The following RBFOX1 variants were observed in gnomAD, a reference collection of about 807,000 sequenced individuals.
RBFOX1 encodes the protein RNA binding protein fox-1 homolog 1.
In RBFOX1, 8 loss-of-function variants were observed where a neutral mutation model predicts 57.7. The ratio of observed to expected loss-of-function variants is 0.14; its 90% CI spans 0.08 to 0.25. The LOEUF is 0.25. Ranked by LOEUF, RBFOX1 falls within the 10% of genes least tolerant of loss-of-function variation. RBFOX1 has a pLI of 1.00. For synonymous variants in RBFOX1, 326 were observed against 222.4 expected (o/e 1.47, Z -4.15); for missense variants, 611 against 548.5 (o/e 1.11, Z -1.14).
intron 14 of RBFOX1, among the ~76,000 whole-genome samples, chr16:7,703,088 G>C (rs929581630): frequency 4.0e-5 from 6 of 150,298 alleles, no homozygotes; most frequent in Non-Finnish European, 7.4e-5. Flanking sequence ...GCTCTCTAAA[G>C]AGCATGCTTT....
chr16:7,399,841 T>A (rs1290386941), intron 4 of RBFOX1, among the ~76,000 whole-genome samples: 1 of 152,192 alleles, frequency 6.6e-6, no homozygotes, highest in African/African-American at 2.4e-5. Context: ...GGGACAAAAT[T>A]CAATCTACTG....
chr16:7,207,939 G>C (rs2090332126), intron 4 of RBFOX1, among the ~76,000 whole-genome samples: 1 of 152,150 alleles, frequency 6.6e-6, no homozygotes. Context: ...CTCAATCTTA[G>C]TCCTGGGGAA....
chr16:5,656,154 A>T (rs989879786), intron 3 of RBFOX1, among the ~76,000 whole-genome samples: 2 of 152,120 alleles, frequency 1.3e-5, no homozygotes, highest in Non-Finnish European at 2.9e-5. Context: ...TGGATTCCAA[A>T]CCTTGTTTCT....
intron 3 of RBFOX1, among the ~76,000 whole-genome samples, chr16:6,921,025 G>A (rs192842465): frequency 1.3e-3 from 200 of 152,286 alleles, no homozygotes; most frequent in African/African-American, 4.3e-3. Context: ...AGTATCTCAA[G>A]TGGTTGTGGT....
chr16:7,311,839 G>A (rs1162590713), intron 4 of RBFOX1, among the ~76,000 whole-genome samples: 2 of 152,146 alleles, frequency 1.3e-5, no homozygotes, highest in Non-Finnish European at 2.9e-5. Flanking sequence ...TGTTTCTGAA[G>A]TTATATGTAG....
At chr16:7,007,033 G>T (rs903087875) in intron 3 of RBFOX1, among the ~76,000 whole-genome samples, 1 of 152,174 alleles carries the variant, frequency 6.6e-6, no homozygotes, top group Non-Finnish European at 1.5e-5. Context: ...CTATAGGTGA[G>T]AAATCTAGTT....
At position 5,584,588 on chromosome 16, in the gene RBFOX1, C is replaced by T. The variant is rs540390776; in HGVS notation, c.259-14314C>T. On this transcript the variant is annotated intron_variant, in intron 2 of 2. Transcript: ENST00000585867. ...TCAGCTTCTGTTTTCTGGAACTTTT[C>T]CCTTGCGTGGCAGCACAGGCAGGTG... 2.6e-5 allele frequency among the ~76,000 whole-genome samples: 4 copies of T among 152,290 alleles called. No homozygotes were observed. The East Asian group carries it at 7.7e-4, about 29-fold the overall frequency.
intron 4 of RBFOX1, among the ~76,000 whole-genome samples, chr16:7,274,214 A>G (rs572631620): frequency 5.3e-5 from 8 of 152,330 alleles, no homozygotes; most frequent in African/African-American, 1.9e-4. Flanking sequence ...AAATTAGCTA[A>G]TGTTTATTGA....
chr16:5,681,441 T>C (rs1214873354), intron 3 of RBFOX1, among the ~76,000 whole-genome samples: 1 of 147,438 alleles, frequency 6.8e-6, no homozygotes, highest in East Asian at 2.0e-4. Context: ...CAGCCTGGAG[T>C]GCAATGGTGT....
intron 1 of RBFOX1, among the ~76,000 whole-genome samples, chr16:5,369,813 A>C (rs1420445610): frequency 6.6e-6 from 1 of 152,210 alleles, no homozygotes; most frequent in Non-Finnish European, 1.5e-5. Context: ...CTATCATTTA[A>C]AATAATGAAA....
At chr16:7,183,442 T>C (rs2083125206) in intron 4 of RBFOX1, among the ~76,000 whole-genome samples, 1 of 152,256 alleles carries the variant, frequency 6.6e-6, no homozygotes, top group Admixed American at 6.5e-5. Flanking sequence ...AAGTGTTTTA[T>C]TTCTCTATTG....
chr16:7,449,383 A>G (rs1368973887), intron 4 of RBFOX1, among the ~76,000 whole-genome samples: 1 of 152,184 alleles, frequency 6.6e-6, no homozygotes, highest in Non-Finnish European at 1.5e-5. Flanking sequence ...GGAGAATGGC[A>G]GTGAAAATAG....
chr16:6,933,600 C>G (rs984148617), intron 3 of RBFOX1, among the ~76,000 whole-genome samples: 2 of 152,188 alleles, frequency 1.3e-5, no homozygotes, highest in African/African-American at 4.8e-5. Flanking sequence ...GTCATCCCAG[C>G]TACTCCGGAG....
intron 3 of RBFOX1, among the ~76,000 whole-genome samples, chr16:5,738,212 CTT>C (rs2052648063): frequency 6.6e-6 from 1 of 152,060 alleles, no homozygotes; most frequent in African/African-American, 2.4e-5. Flanking sequence ...ACGTATGAAA[CTT>C]TGTCACATGC....
chr16:7,144,686 G>A (rs188266851), intron 4 of RBFOX1, among the ~76,000 whole-genome samples: 1 of 152,120 alleles, frequency 6.6e-6, no homozygotes, highest in Non-Finnish European at 1.5e-5. Flanking sequence ...TTTTCACTCT[G>A]CAGAGCAGCT....
intron 3 of RBFOX1, among the ~76,000 whole-genome samples, chr16:6,876,733 G>A (rs1244390351): frequency 6.6e-5 from 10 of 152,186 alleles, no homozygotes; most frequent in Admixed American, 5.9e-4. Context: ...AGAACCCATA[G>A]TCCCTGCATT....
chr16:5,612,435 C>T (rs117596357), intron 3 of RBFOX1, among the ~76,000 whole-genome samples: 1 of 151,212 alleles, frequency 6.6e-6, no homozygotes, highest in African/African-American at 2.4e-5. Context: ...TAGGACCCCC[C>T]CTCTGTGGGT....
intron 4 of RBFOX1, among the ~76,000 whole-genome samples, chr16:7,064,797 G>C (rs955715912): frequency 2.0e-5 from 3 of 152,158 alleles, no homozygotes; most frequent in Non-Finnish European, 4.4e-5. Context: ...GAACTTGATA[G>C]TTCATCCTGA....
At chr16:6,506,520 G>A (rs891433292) in intron 2 of RBFOX1, among the ~76,000 whole-genome samples, 5 of 151,904 alleles carry the variant, frequency 3.3e-5, no homozygotes, top group African/African-American at 1.2e-4. Flanking sequence ...GTTAAGTGGG[G>A]ACCATTTATA....
Sources: allele counts gnomAD v4.1 joint callset (sites outside exome capture counted in the v4.1 genomes callset), GRCh38; gene constraint gnomAD v4.1.1; transcripts MANE v1.5; gene names NCBI Gene and HGNC (gene_info 2026-07-23, HGNC 2026-07-21).